The following MECOM variants were observed in gnomAD, a reference collection of about 807,000 sequenced individuals.
MECOM encodes the protein MDS1 and EVI1 complex locus.
MECOM carries 13 observed loss-of-function variants against 116.3 expected under a neutral mutation model. That is an observed-to-expected ratio of 0.11 (90% CI 0.07 to 0.18). The LOEUF (loss-of-function observed/expected upper bound fraction) is 0.18, where lower values mean the gene tolerates loss of function less well. Among genes scored for constraint, MECOM ranks in the 10% least tolerant of loss-of-function variants. MECOM has a pLI of 1.00. For synonymous variants in MECOM, 528 were observed against 535.2 expected (o/e 0.99, Z 0.19); for missense variants, 1,299 against 1,509.0 (o/e 0.86, Z 2.31).
chr3:169,154,097 G>A (rs55687851), intron 2 of MECOM, among the ~76,000 whole-genome samples: 10,698 of 152,052 alleles, frequency 0.07, 484 homozygotes, highest in South Asian at 0.19. Flanking sequence ...GAAGATGTCC[G>A]TCTCTGTCTG....
intron 1 of MECOM, among the ~76,000 whole-genome samples, chr3:169,544,266 T>G (rs571704539): frequency 1.3e-5 from 2 of 152,358 alleles, no homozygotes; most frequent in African/African-American, 2.4e-5. Flanking sequence ...CTGGCACATA[T>G]GCACCCAATA....
intron 1 of MECOM, among the ~76,000 whole-genome samples, chr3:169,436,372 T>G (rs953671952): frequency 6.8e-6 from 1 of 147,600 alleles, no homozygotes; most frequent in Non-Finnish European, 1.5e-5. Context: ...TGCCTCAGCC[T>G]CCCAACTAGT....
chr3:169,620,430 A>T (rs1770570687), intron 1 of MECOM, among the ~76,000 whole-genome samples: 1 of 152,188 alleles, frequency 6.6e-6, no homozygotes, highest in African/African-American at 2.4e-5. Flanking sequence ...ATGTTCAACC[A>T]TTGCTAAATC....
intron 1 of MECOM, among the ~76,000 whole-genome samples, chr3:169,443,802 C>T (rs1190160311): frequency 2.6e-5 from 4 of 152,204 alleles, no homozygotes; most frequent in Non-Finnish European, 5.9e-5. Flanking sequence ...AGCAATCGCT[C>T]CCTGAGGAGC....
intron 7 of MECOM, among the ~76,000 whole-genome samples, chr3:169,117,981 T>C (rs967184739): frequency 2.6e-5 from 4 of 152,212 alleles, no homozygotes; most frequent in Non-Finnish European, 4.4e-5. Flanking sequence ...TTGGTAATTG[T>C]TGAAGCAAAT....
At chr3:169,187,290 G>A (rs375793040) in intron 2 of MECOM, among the ~76,000 whole-genome samples, 9 of 152,160 alleles carry the variant, frequency 5.9e-5, no homozygotes, top group South Asian at 2.1e-4. Context: ...TTAACCAAAC[G>A]CTATTGAAAC....
At chr3:169,195,931 T>C (rs1748357758) in intron 2 of MECOM, among the ~76,000 whole-genome samples, 1 of 152,052 alleles carries the variant, frequency 6.6e-6, no homozygotes, top group South Asian at 2.1e-4. Context: ...CAGATATCAT[T>C]GGAAGGAAAT....
intron 2 of MECOM, among the ~76,000 whole-genome samples, chr3:169,250,678 T>G (rs1265050771): frequency 2.0e-5 from 3 of 152,214 alleles, no homozygotes; most frequent in Non-Finnish European, 2.9e-5. Context: ...TTCCTGTGGT[T>G]GTTAACCATG....
chr3:169,272,580 T>G (rs1759083467), intron 2 of MECOM, among the ~76,000 whole-genome samples: 1 of 152,138 alleles, frequency 6.6e-6, no homozygotes, highest in Non-Finnish European at 1.5e-5. Context: ...CTTTAAAACG[T>G]TTTCTGACAT....
intron 1 of MECOM, among the ~76,000 whole-genome samples, chr3:169,635,183 C>A (rs1407550606): frequency 6.6e-6 from 1 of 152,214 alleles, no homozygotes; most frequent in Admixed American, 6.5e-5. Context: ...AGTTACTGAA[C>A]CTCTGCCCCT....
intron 1 of MECOM, among the ~76,000 whole-genome samples, chr3:169,386,908 C>T (rs1192850319): frequency 2.6e-5 from 4 of 152,146 alleles, no homozygotes; most frequent in Non-Finnish European, 5.9e-5. Context: ...CAGTTGATTA[C>T]AGAAACTAAA....
At chr3:169,319,992 G>A (rs998033646) in intron 2 of MECOM, among the ~76,000 whole-genome samples, 3 of 152,222 alleles carry the variant, frequency 2.0e-5, no homozygotes, top group Non-Finnish European at 4.4e-5. Context: ...ACAAGAGGTC[G>A]TACGGTGACT....
At chr3:169,155,596 A>C (rs1264059468) in intron 2 of MECOM, among the ~76,000 whole-genome samples, 1 of 151,268 alleles carries the variant, frequency 6.6e-6, no homozygotes, top group Non-Finnish European at 1.5e-5. Flanking sequence ...AAGAGCAAAA[A>C]ACAGAAGAAA....
At chr3:169,115,116 C>CA (rs534758533) in intron 8 of MECOM, among the ~76,000 whole-genome samples, 3 of 151,854 alleles carry the variant, frequency 2.0e-5, no homozygotes, top group Non-Finnish European at 4.4e-5. Context: ...TTTTCCACTC[C>CA]AAAAAAAGTG....
intron 2 of MECOM, among the ~76,000 whole-genome samples, chr3:169,267,841 C>T (rs865814884): frequency 2.6e-5 from 4 of 152,152 alleles, no homozygotes; most frequent in African/African-American, 9.6e-5. Flanking sequence ...TAATCACAAT[C>T]CTCATGATCC....
intron 2 of MECOM, among the ~76,000 whole-genome samples, chr3:169,194,522 TAATA>T (rs919591371): frequency 2.8e-4 from 43 of 152,180 alleles, no homozygotes; most frequent in African/African-American, 9.9e-4. Context: ...GTAAACATCT[TAATA>T]AATAACAGCA....
intron 1 of MECOM, among the ~76,000 whole-genome samples, chr3:169,551,370 CT>C (rs200187373): frequency 8.4e-4 from 125 of 149,276 alleles, no homozygotes; most frequent in Admixed American, 1.6e-3. Flanking sequence ...AATATCTACA[CT>C]TTAAAAAAAA....
chr3:169,605,014 C>T (rs1279014732), intron 1 of MECOM, among the ~76,000 whole-genome samples: 1 of 152,100 alleles, frequency 6.6e-6, no homozygotes. Flanking sequence ...AAATGCTGGT[C>T]TTTGTTTATA....
At chr3:169,590,839 A>C (rs886411129) in intron 1 of MECOM, among the ~76,000 whole-genome samples, 3 of 152,252 alleles carry the variant, frequency 2.0e-5, no homozygotes, top group Non-Finnish European at 4.4e-5. Context: ...AGTTTTAGCT[A>C]AGATACTAAT....
Sources: gnomAD v4.1 joint callset for allele counts (sites outside exome capture counted in the v4.1 genomes callset) on GRCh38, gnomAD v4.1.1 for gene constraint, MANE v1.5 for transcripts, NCBI Gene and HGNC (gene_info 2026-07-23, HGNC 2026-07-21) for gene names.